IRAK1BP1: variants seen among roughly 807,000 people sequenced by gnomAD.
IRAK1BP1 encodes interleukin 1 receptor associated kinase 1 binding protein 1, also known as interleukin-1 receptor-associated kinase 1-binding protein 1.
A neutral mutation model predicts 28.0 loss-of-function variants in IRAK1BP1; 24 were observed. The ratio of observed to expected loss-of-function variants is 0.86; its 90% CI spans 0.62 to 1.20. IRAK1BP1 has a LOEUF of 1.20. Among genes scored for constraint, IRAK1BP1 ranks in the 50% most tolerant of loss-of-function variants. The probability of loss-of-function intolerance (pLI) is 0.00; values close to 1 mark genes in which losing one functional copy is unlikely to be tolerated. For synonymous variants in IRAK1BP1, 131 were observed against 116.3 expected (o/e 1.13, Z -0.81); for missense variants, 336 against 316.7 (o/e 1.06, Z -0.46).
chr6:78,877,623 G>A (rs1474830719), intron 1 of IRAK1BP1, among the ~76,000 whole-genome samples: 1 of 152,154 alleles, frequency 6.6e-6, no homozygotes. Flanking sequence ...CATCTCACTA[G>A]GGCTTGTCAG....
At chr6:78,964,578 C>G in the IRAK1BP1 span, among the ~76,000 whole-genome samples, 1 of 152,112 alleles carries the variant, frequency 6.6e-6, no homozygotes, top group Non-Finnish European at 1.5e-5. Flanking sequence ...CTGCCACCTC[C>G]GCCTCCCAGG....
intron 1 of IRAK1BP1, among the ~76,000 whole-genome samples, chr6:78,869,991 C>T (rs1426608660): frequency 1.3e-5 from 2 of 151,766 alleles, no homozygotes; most frequent in Non-Finnish European, 2.9e-5. Context: ...TGCCTGTAAT[C>T]CCAGTTACTT....
At chr6:78,931,502 G>T (rs1582057141) in intron 4 of IRAK1BP1, among the ~76,000 whole-genome samples, 1 of 152,034 alleles carries the variant, frequency 6.6e-6, no homozygotes. Context: ...TTTAGTACAG[G>T]TATACCGTGG....
the IRAK1BP1 span, chr6:78,970,995 A>C: frequency 2.8e-6 from 2 of 702,624 alleles, no homozygotes; most frequent in African/African-American, 1.9e-5. Context: ...TTTTCAGCTA[A>C]TAGAAATTCT....
At chr6:78,945,720 A>T (rs913709879) in exon 5 of IRAK1BP1, 1 of 601,284 alleles carries the variant, frequency 1.7e-6, no homozygotes, top group African/African-American at 1.9e-5. Context: ...AAAATTTCGA[A>T]GGCAAGTCTT....
chr6:78,882,671 G>A (rs1771271239), intron 1 of IRAK1BP1, among the ~76,000 whole-genome samples: 1 of 152,154 alleles, frequency 6.6e-6, no homozygotes, highest in Admixed American at 6.5e-5. Flanking sequence ...GGAAGACTGA[G>A]AAACTATCAA....
rs1056289095 is a variant in IRAK1BP1, at chr6:78,903,059, A to G, written c.*4725A>G. ...TCCCAGATAGCCATGTCACCTGTGA[A>G]TTATCATGAATCCCACATCAAATGA... On this transcript the variant is annotated 3_prime_UTR_variant, in exon 4 of 4. Transcript: ENST00000369940. 2 of 1,533,556 alleles carry G rather than the reference A, an allele frequency of 1.3e-6. No homozygotes were observed. Among genetic ancestry groups the G allele is most frequent in the South Asian group, 1.2e-5 (1 of 83,970 alleles). The allele number at this position is 1,533,556 out of a possible 1,614,324, so 95.0% of individuals were successfully genotyped here. A position where few individuals can be genotyped will look rare whatever the true frequency, so the allele number is the denominator to read the frequency against.
the IRAK1BP1 span, among the ~76,000 whole-genome samples, chr6:78,977,143 T>TA: frequency 6.9e-6 from 1 of 145,808 alleles, no homozygotes; most frequent in Non-Finnish European, 1.5e-5. Context: ...CCAACAATGA[T>TA]AGACTGGATT....
the IRAK1BP1 span, chr6:78,955,496 A>AG: frequency 7.3e-6 from 4 of 547,622 alleles, no homozygotes; most frequent in South Asian, 6.2e-5. Context: ...TTTTTTTTAA[A>AG]TTAACTACAC....
At position 78,885,375 on chromosome 6, in the gene IRAK1BP1, C is replaced by G; in HGVS notation, c.316-3C>G. On this transcript the variant is annotated splice_polypyrimidine_tract_variant and splice_region_variant and intron_variant, in intron 1 of 3. Coordinates refer to ENST00000369940, the MANE Select transcript of IRAK1BP1 (RefSeq NM_001010844.4). ...TCATACTCTTGGACTTTTTCTGTTT[C>G]AGGCAGAAAATATAACTGTGACAAA... 1 of 1,554,418 alleles carries G rather than the reference C, an allele frequency of 6.4e-7. No individual in the cohort carries two copies. The highest frequency in any genetic ancestry group is 1.2e-5 in the South Asian group (1 of 86,752).
At chr6:78,925,459 A>G (rs550603618) in intron 4 of IRAK1BP1, among the ~76,000 whole-genome samples, 2 of 152,186 alleles carry the variant, frequency 1.3e-5, no homozygotes, top group Non-Finnish European at 2.9e-5. Context: ...CAATCATTAG[A>G]GGAATGCAAA....
rs141390764 is a variant in IRAK1BP1 at position 78,941,685 on chromosome 6, T to C, written c.*68-3723T>C. 6.3e-4 allele frequency among the ~76,000 whole-genome samples: 96 copies of C among 152,260 alleles called. 1 individual carries two copies. In the South Asian group the frequency reaches 8.1e-3, roughly 13 times the overall value. On this transcript the variant is annotated intron_variant and NMD_transcript_variant, in intron 4 of 4. Coordinates refer to the IRAK1BP1 transcript ENST00000606868. ...CAAAAACTTTGTTCTTAGAACTGTT[T>C]AAAGAGGATTTAAAAACAACTAAAT...
intron 4 of IRAK1BP1, among the ~76,000 whole-genome samples, chr6:78,923,095 G>T (rs1582048508): frequency 6.6e-6 from 1 of 152,210 alleles, no homozygotes; most frequent in African/African-American, 2.4e-5. Context: ...AATGTAAATG[G>T]GCTAAATGCT....
intron 2 of IRAK1BP1, among the ~76,000 whole-genome samples, chr6:78,897,317 C>G (rs903001434): frequency 6.7e-6 from 1 of 149,932 alleles, no homozygotes; most frequent in Non-Finnish European, 1.5e-5. Flanking sequence ...CTTAACAGAC[C>G]GGTTTTAAAG....
intron 1 of IRAK1BP1, among the ~76,000 whole-genome samples, chr6:78,873,720 C>A (rs12193319): frequency 0.45 from 68,902 of 151,942 alleles, 16,209 homozygotes; most frequent in East Asian, 0.69. Context: ...ATCCTCTCAC[C>A]TTGCCCTCCT....
At chr6:78,873,290 A>G (rs540280085) in intron 1 of IRAK1BP1, among the ~76,000 whole-genome samples, 78 of 150,688 alleles carry the variant, frequency 5.2e-4, no homozygotes, top group Middle Eastern at 3.4e-3. Flanking sequence ...AAGATTGTAA[A>G]TAACCTGTCA....
the IRAK1BP1 span, among the ~76,000 whole-genome samples, chr6:78,964,516 G>C: frequency 2.8e-4 from 42 of 152,058 alleles, no homozygotes; most frequent in Non-Finnish European, 2.4e-4. Flanking sequence ...TTTTTGAGAT[G>C]GAGTCTCGCT....
intron 4 of IRAK1BP1, among the ~76,000 whole-genome samples, chr6:78,925,232 A>G (rs184783002): frequency 1.6e-3 from 245 of 152,290 alleles, no homozygotes; most frequent in Non-Finnish European, 2.7e-3. Flanking sequence ...TGACGGAGTT[A>G]GTGGGTACGG....
At position 78,901,317 on chromosome 6, in the gene IRAK1BP1, A is replaced by C. The variant is rs1318797883; in HGVS notation, c.*2983A>C. 1.3e-5 allele frequency: 2 copies of C among 152,090 alleles called. No individual in the cohort carries two copies. Among genetic ancestry groups the C allele is most frequent in the Non-Finnish European group, 2.9e-5 (2 of 68,002 alleles). The allele number at this position is 152,090 out of a possible 1,614,324, so 9.4% of individuals were successfully genotyped here. ...TTCTATAGAAGAGCTTAGGGAAGAA[A>C]TCATTCAAAGATTGGAAAGACTTAT... is the stretch of plus-strand genomic sequence containing the variant. On this transcript the variant is annotated 3_prime_UTR_variant, in exon 4 of 4. Transcript: ENST00000369940.
Sources: allele counts gnomAD v4.1 joint callset (sites outside exome capture counted in the v4.1 genomes callset), GRCh38; gene constraint gnomAD v4.1.1; transcripts MANE v1.5; gene names NCBI Gene and HGNC (gene_info 2026-07-23, HGNC 2026-07-21).